Variants in ASIC2 observed in about 807,000 individuals in gnomAD.
ASIC2 encodes acid sensing ion channel subunit 2.
Under a neutral mutation model 57.3 loss-of-function variants are expected in ASIC2, and 25 were observed. The observed-to-expected ratio is 0.44, with a 90% CI of 0.32 to 0.61. ASIC2 has a LOEUF of 0.61. Among genes scored for constraint, ASIC2 ranks in the 20% least tolerant of loss-of-function variants. The pLI is 0.06. For missense variants in ASIC2, 641 were observed against 738.1 expected, an observed-to-expected ratio of 0.87 and a Z score of 1.52; for synonymous variants, 319 against 307.5, an observed-to-expected ratio of 1.04 and a Z score of -0.39.
At chr17:33,337,659 G>A (rs1042639801) in intron 1 of ASIC2, among the ~76,000 whole-genome samples, 1 of 152,226 alleles carries the variant, frequency 6.6e-6, no homozygotes, top group Non-Finnish European at 1.5e-5. Flanking sequence ...AGATGTTCTG[G>A]AGGGGCAAGG....
At chr17:33,758,794 C>T (rs978408420) in intron 1 of ASIC2, among the ~76,000 whole-genome samples, 59 of 152,096 alleles carry the variant, frequency 3.9e-4, no homozygotes, top group African/African-American at 1.3e-3. Flanking sequence ...AAGGCTCCCA[C>T]CAGATGTGGC....
At chr17:33,694,989 T>A (rs1908482622) in intron 1 of ASIC2, among the ~76,000 whole-genome samples, 1 of 152,198 alleles carries the variant, frequency 6.6e-6, no homozygotes, top group South Asian at 2.1e-4. Flanking sequence ...TTTGTTTAAA[T>A]TCTTAACAGA....
chr17:33,473,874 T>C (rs1369144479), intron 1 of ASIC2, among the ~76,000 whole-genome samples: 2 of 151,126 alleles, frequency 1.3e-5, no homozygotes, highest in African/African-American at 4.9e-5. Context: ...CACGTACCCA[T>C]GAGGGCACCC....
At chr17:33,898,904 C>A (rs1011909264) in intron 1 of ASIC2, among the ~76,000 whole-genome samples, 7 of 152,156 alleles carry the variant, frequency 4.6e-5, no homozygotes, top group Non-Finnish European at 1.0e-4. Flanking sequence ...TCCATTTTTC[C>A]ATACTTACTT....
At chr17:33,415,660 C>G (rs1345810505) in intron 1 of ASIC2, among the ~76,000 whole-genome samples, 2 of 151,854 alleles carry the variant, frequency 1.3e-5, no homozygotes, top group Non-Finnish European at 2.9e-5. Flanking sequence ...TGGAGCTAAA[C>G]ACAAGATGGG....
At chr17:33,905,836 G>A (rs1053011176) in intron 1 of ASIC2, among the ~76,000 whole-genome samples, 2 of 151,870 alleles carry the variant, frequency 1.3e-5, no homozygotes, top group Non-Finnish European at 2.9e-5. Flanking sequence ...TTTGCATCAG[G>A]TTCTTGGTTC....
chr17:33,634,921 C>T (rs1017232710), intron 1 of ASIC2: 7 of 152,098 alleles, frequency 4.6e-5, no homozygotes, highest in African/African-American at 1.2e-4. Flanking sequence ...AGTCAATAAA[C>T]TGGCAAACAA....
At chr17:33,204,824 T>A (rs962899450) in intron 1 of ASIC2, among the ~76,000 whole-genome samples, 9 of 152,232 alleles carry the variant, frequency 5.9e-5, no homozygotes, top group Admixed American at 6.5e-5. Context: ...TAGGGAATTT[T>A]TAGCAGCCAT....
At chr17:33,299,320 G>A (rs973957401) in intron 1 of ASIC2, among the ~76,000 whole-genome samples, 7 of 152,180 alleles carry the variant, frequency 4.6e-5, no homozygotes, top group African/African-American at 1.7e-4. Context: ...CCCTAGAGGT[G>A]GCCAGTGTTA....
chr17:33,417,973 C>A (rs1597721439), intron 1 of ASIC2, among the ~76,000 whole-genome samples: 2 of 150,768 alleles, frequency 1.3e-5, no homozygotes, highest in African/African-American at 4.9e-5. Context: ...TTTGTTGACC[C>A]AGCTATCTTG....
chr17:33,938,618 G>A (rs1256229443), intron 1 of ASIC2, among the ~76,000 whole-genome samples: 1 of 152,220 alleles, frequency 6.6e-6, no homozygotes, highest in Admixed American at 6.5e-5. Flanking sequence ...CTTAGAGATG[G>A]AGAGTTATTT....
chr17:33,146,948 C>T (rs1446930411), intron 1 of ASIC2, among the ~76,000 whole-genome samples: 4 of 152,314 alleles, frequency 2.6e-5, no homozygotes, highest in South Asian at 2.1e-4. Flanking sequence ...TGTCAATCAA[C>T]GGGTCAAACT....
At chr17:33,355,885 A>G (rs1908355127) in intron 1 of ASIC2, among the ~76,000 whole-genome samples, 2 of 152,198 alleles carry the variant, frequency 1.3e-5, no homozygotes, top group African/African-American at 4.8e-5. Flanking sequence ...AGGGGAATTG[A>G]GACAGTATAA....
rs116465091 is a variant in ASIC2 at position 33,640,844 on chromosome 17, A to C, written c.555+515134T>G. Among the ~76,000 whole-genome samples the C allele has an allele frequency of 6.2e-3, 940 of 152,298 alleles. 9 individuals are homozygous for C. The highest frequency in any genetic ancestry group is 0.021 in the African/African-American group (893 of 41,554). The stretch of plus-strand genomic sequence containing the variant: ...GGCTGGCCTGCGAGAGTCAGGTTTC[A>C]TCGGCTGAGAGCAGGAATCCCCATA... On this transcript the variant is annotated intron_variant, in intron 1 of 9. Coordinates refer to the ASIC2 transcript ENST00000359872.
intron 1 of ASIC2, among the ~76,000 whole-genome samples, chr17:33,256,976 G>A (rs182519538): frequency 6.6e-6 from 1 of 152,356 alleles, no homozygotes; most frequent in East Asian, 1.9e-4. Flanking sequence ...CTCCCTAGCA[G>A]CAGCTCTCCC....
intron 1 of ASIC2, among the ~76,000 whole-genome samples, chr17:33,350,838 G>T (rs1206622633): frequency 6.6e-6 from 1 of 151,874 alleles, no homozygotes; most frequent in African/African-American, 2.4e-5. Context: ...GAAAAAAAAA[G>T]CCCATTCATA....
intron 1 of ASIC2, among the ~76,000 whole-genome samples, chr17:33,530,573 C>T (rs1358557549): frequency 6.6e-6 from 1 of 152,238 alleles, no homozygotes; most frequent in Non-Finnish European, 1.5e-5. Context: ...CACCTTTGCT[C>T]AGGTCAGGGG....
intron 1 of ASIC2, among the ~76,000 whole-genome samples, chr17:33,160,630 A>G (rs1197205470): frequency 6.6e-6 from 1 of 151,700 alleles, no homozygotes; most frequent in Non-Finnish European, 1.5e-5. Flanking sequence ...GGCAGCAGAG[A>G]CTGCTATTTC....
Position 33,929,803 on chromosome 17 carries a change from A to G in ASIC2, c.555+226175T>C, listed in dbSNP as rs1915893227. ...AATAGCCTAAGCTTCAGGGGGTGCC[A>G]TCTAGTGCCTGTATTATTACAAAGC... On this transcript the variant is annotated intron_variant, in intron 1 of 9. Coordinates refer to the ASIC2 transcript ENST00000359872. Among the ~76,000 whole-genome samples the G allele has an allele frequency of 1.3e-5, 2 of 152,198 alleles. 1 individual carries two copies. Among genetic ancestry groups the G allele is most frequent in the Admixed American group, 1.3e-4 (2 of 15,280 alleles).
Sources: allele counts gnomAD v4.1 joint callset (sites outside exome capture counted in the v4.1 genomes callset), GRCh38; gene constraint gnomAD v4.1.1; transcripts MANE v1.5; gene names NCBI Gene and HGNC (gene_info 2026-07-23, HGNC 2026-07-21).